Variants in AOX1 observed in about 807,000 individuals in gnomAD.
AOX1 encodes aldehyde oxidase 1, also known as aldehyde oxidase.
In AOX1, 153 loss-of-function variants were observed where a neutral mutation model predicts 169.5. That is an observed-to-expected ratio of 0.90 (90% CI 0.79 to 1.03). The LOEUF (loss-of-function observed/expected upper bound fraction) is 1.03, where lower values mean the gene tolerates loss of function less well. Ranked by LOEUF, AOX1 falls within the 50% of genes least tolerant of loss-of-function variation. The probability of loss-of-function intolerance (pLI) is 0.00; values close to 1 mark genes in which losing one functional copy is unlikely to be tolerated. For synonymous variants in AOX1, 562 were observed against 581.9 expected (o/e 0.97, Z 0.49); for missense variants, 1,656 against 1,663.9 (o/e 1.00, Z 0.08).
chr2:200,637,068 A>C (rs2105742411), intron 22 of AOX1, 24 bp downstream of exon 22: 3 of 1,613,016 alleles, frequency 1.9e-6, no homozygotes, highest in East Asian at 4.5e-5. Context: ...ATCTGCTAAA[A>C]ATAAAGTGAA....
chr2:200,681,179 A>G (rs1054392426), downstream of AOX1, among the ~76,000 whole-genome samples: 6 of 152,194 alleles, frequency 3.9e-5, no homozygotes, highest in Admixed American at 3.3e-4. Context: ...AACTGCCTCA[A>G]TGGAGTTTTT....
At position 200,611,480 on chromosome 2, in the gene AOX1, C is replaced by T; in HGVS notation, c.1250C>T (p.Pro417Leu). The change falls in exon 13 of 35, where the codon CCC becomes CTC. Residue 417 changes from proline (P) to leucine (L), a missense_variant. Coordinates refer to ENST00000374700, the MANE Select transcript of AOX1 (RefSeq NM_001159.4). ...PQEILVSVNI[P>L]YSRKWEFVSA... ...GAAATCTTGGTCTCAGTGAACATCCCCTACTCAAGGAAGGTGAGAACATCC... is the reference window on the plus strand; with the variant it reads ...GAAATCTTGGTCTCAGTGAACATCCTCTACTCAAGGAAGGTGAGAACATCC... 1 of 1,609,912 alleles carries T rather than the reference C, an allele frequency of 6.2e-7. No homozygotes were observed. The highest frequency in any genetic ancestry group is 8.5e-7 in the Non-Finnish European group (1 of 1,176,280).
downstream of AOX1, among the ~76,000 whole-genome samples, chr2:200,675,133 A>G (rs1322121094): frequency 6.6e-6 from 1 of 152,182 alleles, no homozygotes; most frequent in Non-Finnish European, 1.5e-5. Flanking sequence ...CTGGAATGCC[A>G]GCTAGAGGAT....
intron 1 of AOX1, among the ~76,000 whole-genome samples, chr2:200,592,868 C>A (rs1234854598): frequency 1.3e-5 from 2 of 152,082 alleles, no homozygotes; most frequent in African/African-American, 2.4e-5. Context: ...CTAGAAAAAA[C>A]TGGACAGGAG....
intron 25 of AOX1, 73 bp downstream of exon 25, chr2:200,642,874 G>A: frequency 1.4e-6 from 2 of 1,460,164 alleles, no homozygotes; most frequent in Non-Finnish European, 1.9e-6. Flanking sequence ...GGGCCATTCA[G>A]GTTGAGGAAT....
exon 5 of AOX1, chr2:200,677,009 G>T: frequency 2.2e-6 from 1 of 450,990 alleles, no homozygotes; most frequent in South Asian, 1.6e-5. Context: ...GTTTGTATGT[G>T]AATGGAAGAA....
At chr2:200,677,506 T>A (rs1275140306), downstream of AOX1, among the ~76,000 whole-genome samples, 1 of 152,094 alleles carries the variant, frequency 6.6e-6, no homozygotes, top group Non-Finnish European at 1.5e-5. Flanking sequence ...CACAAACACA[T>A]ACGAATTAAG....
At chr2:200,660,818 T>C (rs1395971146) in intron 29 of AOX1, among the ~76,000 whole-genome samples, 1 of 152,190 alleles carries the variant, frequency 6.6e-6, no homozygotes, top group African/African-American at 2.4e-5. Flanking sequence ...CATTTTATAA[T>C]TCATATTTAT....
At chr2:200,615,673 A>G (rs1316264491) in intron 15 of AOX1, among the ~76,000 whole-genome samples, 2 of 152,208 alleles carry the variant, frequency 1.3e-5, no homozygotes, top group Non-Finnish European at 2.9e-5. Context: ...GTAAGTCCTC[A>G]TATCATTTAG....
At chr2:200,620,980 C>T (rs944025605) in intron 17 of AOX1, 140 bp from the exon 18 acceptor site, 21 of 1,312,906 alleles carry the variant, frequency 1.6e-5, no homozygotes, top group Non-Finnish European at 1.9e-5. Flanking sequence ...ACTACAACTT[C>T]GTTGTCCCAA....
At chr2:200,658,992 AGC>A (rs2035750733) in intron 27 of AOX1, among the ~76,000 whole-genome samples, 171 bp from the exon 28 acceptor site, 1 of 152,234 alleles carries the variant, frequency 6.6e-6, no homozygotes, top group Admixed American at 6.5e-5. Context: ...GGTCCAGACT[AGC>A]TATAGGATTT....
At chr2:200,588,652 T>C (rs2034089943) in intron 1 of AOX1, among the ~76,000 whole-genome samples, 1 of 151,718 alleles carries the variant, frequency 6.6e-6, no homozygotes, top group African/African-American at 2.4e-5. Flanking sequence ...TCCTCCCTTC[T>C]AAATTCTGTT....
chr2:200,613,541 G>A (rs2465665), intron 14 of AOX1, among the ~76,000 whole-genome samples: 88,768 of 151,780 alleles, frequency 0.58, 25,949 homozygotes, highest in East Asian at 0.74. Flanking sequence ...CTCCTGGACT[G>A]TGGATTTTAT....
chr2:200,601,045 A>G (rs2034402912), intron 5 of AOX1, among the ~76,000 whole-genome samples: 1 of 136,102 alleles, frequency 7.3e-6, no homozygotes, highest in Admixed American at 7.4e-5. Context: ...AATAACTTTG[A>G]TCTTTCTGTC....
At chr2:200,591,581 T>G (rs1305067295) in intron 1 of AOX1, among the ~76,000 whole-genome samples, 2 of 152,236 alleles carry the variant, frequency 1.3e-5, no homozygotes, top group Non-Finnish European at 2.9e-5. Flanking sequence ...TTAATTCACC[T>G]AAGATCCACT....
chr2:200,595,487 C>A, intron 3 of AOX1, 119 bp downstream of exon 3: 4 of 597,064 alleles, frequency 6.7e-6, no homozygotes, highest in Admixed American at 3.1e-5. Flanking sequence ...GGCCACTTGG[C>A]GTACAATGAT....
rs773906086 is a variant in AOX1 at position 200,666,671 on chromosome 2, T to G, written c.3544-16T>G. Reference sequence around the variant, plus strand: ...TTCTCATTAAAATAAACATTTTAACTTTTTTTTAATACTAGAACATCAGAA... The same window carrying G: ...TTCTCATTAAAATAAACATTTTAACGTTTTTTTAATACTAGAACATCAGAA... On this transcript the variant is annotated splice_polypyrimidine_tract_variant and intron_variant, in intron 31 of 34. Coordinates refer to ENST00000374700, the MANE Select transcript of AOX1 (RefSeq NM_001159.4). The G allele has an allele frequency of 6.4e-7, 1 of 1,558,014 alleles. No individual in the cohort carries two copies. Among genetic ancestry groups the G allele is most frequent in the Non-Finnish European group, 8.7e-7 (1 of 1,147,794 alleles).
chr2:200,608,830 ACCATCACCACCATCACTGC>A (rs1195373381), intron 10 of AOX1, among the ~76,000 whole-genome samples, 135 bp from the exon 11 acceptor site: 2 of 151,962 alleles, frequency 1.3e-5, no homozygotes, highest in African/African-American at 4.8e-5. Flanking sequence ...TACCTTCATC[ACCATCACCACCATCACTGC>A]CCATCACCAC....
intron 16 of AOX1, among the ~76,000 whole-genome samples, chr2:200,617,095 C>T (rs1379193908): frequency 6.6e-6 from 1 of 152,010 alleles, no homozygotes; most frequent in Non-Finnish European, 1.5e-5. Flanking sequence ...GAAACAACAA[C>T]AAATTAATGG....
Sources: gnomAD v4.1 joint callset for allele counts (sites outside exome capture counted in the v4.1 genomes callset) on GRCh38, gnomAD v4.1.1 for gene constraint, MANE v1.5 for transcripts, NCBI Gene and HGNC (gene_info 2026-07-23, HGNC 2026-07-21) for gene names.